DCUN1D4: variants seen among roughly 807,000 people sequenced by gnomAD.
The protein encoded by DCUN1D4 is defective in cullin neddylation 1 domain containing 4, also known as DCN1-like protein 4.
DCUN1D4 carries 22 observed loss-of-function variants against 47.9 expected under a neutral mutation model. The ratio of observed to expected loss-of-function variants is 0.46; its 90% CI spans 0.33 to 0.66. The LOEUF is 0.66. Ranked by LOEUF, DCUN1D4 falls within the 30% of genes least tolerant of loss-of-function variation. The pLI, the probability that DCUN1D4 is intolerant of heterozygous loss-of-function variation, is 0.02. For synonymous variants in DCUN1D4, 121 were observed against 112.2 expected, an observed-to-expected ratio of 1.08 and a Z score of -0.50; for missense variants, 301 against 340.8, an observed-to-expected ratio of 0.88 and a Z score of 0.92.
chr4:51,863,358 C>T, intron 1 of DCUN1D4, 79 bp from the exon 2 acceptor site: 1 of 1,185,176 alleles, frequency 8.4e-7, no homozygotes, highest in Non-Finnish European at 1.2e-6. Flanking sequence ...TATATCAAAA[C>T]ATTTGTTTAT....
At chr4:51,843,951 G>A (rs1305717815) in intron 1 of DCUN1D4, among the ~76,000 whole-genome samples, 2 of 150,734 alleles carry the variant, frequency 1.3e-5, no homozygotes, top group African/African-American at 4.9e-5. Context: ...GGAGTCCTGC[G>A]GGGCGGGAGG....
intron 3 of DCUN1D4, among the ~76,000 whole-genome samples, chr4:51,870,249 T>A (rs1224870007): frequency 6.6e-6 from 1 of 152,180 alleles, no homozygotes; most frequent in Non-Finnish European, 1.5e-5. Flanking sequence ...CTCATACAAG[T>A]TGTAAGTCGG....
intron 7 of DCUN1D4, among the ~76,000 whole-genome samples, chr4:51,894,824 T>C (rs1016996481): frequency 6.6e-6 from 1 of 152,206 alleles, no homozygotes; most frequent in African/African-American, 2.4e-5. Context: ...TATTCATATA[T>C]GTCTTAGGCC....
At chr4:51,838,680 G>C (rs899192334), upstream of DCUN1D4, among the ~76,000 whole-genome samples, 10 of 152,124 alleles carry the variant, frequency 6.6e-5, no homozygotes, top group African/African-American at 2.2e-4. Flanking sequence ...ACCATGCCCA[G>C]CCTGATTTCA....
At chr4:51,884,843 G>A (rs911956569) in intron 5 of DCUN1D4, 1 of 152,456 alleles carries the variant, frequency 6.6e-6, no homozygotes, top group Non-Finnish European at 1.5e-5. Flanking sequence ...TTAGCCAGGG[G>A]AGTTGGGGGA....
chr4:51,879,345 G>A (rs1373464103), intron 5 of DCUN1D4, among the ~76,000 whole-genome samples: 3 of 152,198 alleles, frequency 2.0e-5, no homozygotes, highest in African/African-American at 7.2e-5. Flanking sequence ...GGTGGCTCAC[G>A]TCTGAAATCC....
intron 8 of DCUN1D4, chr4:51,905,315 G>T: frequency 2.4e-6 from 1 of 424,118 alleles, no homozygotes; most frequent in Non-Finnish European, 4.9e-6. Context: ...TGCCCTTGAC[G>T]TCCAGGCCAG....
At chr4:51,894,369 G>A (rs1730906731) in intron 7 of DCUN1D4, among the ~76,000 whole-genome samples, 1 of 152,068 alleles carries the variant, frequency 6.6e-6, no homozygotes, top group Non-Finnish European at 1.5e-5. Flanking sequence ...AAGAACCTCT[G>A]CCTACCCTCC....
chr4:51,889,736 T>G (rs933051721), intron 6 of DCUN1D4, among the ~76,000 whole-genome samples: 65 of 151,988 alleles, frequency 4.3e-4, no homozygotes, highest in African/African-American at 1.5e-3. Flanking sequence ...TATACAAGAG[T>G]CAGAATTCCT....
rs376287555 is a variant in DCUN1D4 at position 51,875,682 on chromosome 4, T to C, written c.251+1297T>C. On this transcript the variant is annotated intron_variant, in intron 4 of 10. Transcript: ENST00000334635. ...TCCCAGCCCCAGACAACCACTAATC[T>C]ACTTTGTCTCGACAGATTTCCCTTT... 2.1e-4 allele frequency among the ~76,000 whole-genome samples: 32 copies of C among 152,306 alleles called. 1 individual carries two copies. Among genetic ancestry groups the C allele is most frequent in the Middle Eastern group, 3.4e-3 (1 of 294 alleles).
At chr4:51,882,885 G>A (rs1728897110) in intron 5 of DCUN1D4, among the ~76,000 whole-genome samples, 1 of 151,964 alleles carries the variant, frequency 6.6e-6, no homozygotes, top group Admixed American at 6.5e-5. Context: ...TTTCCCCCCC[G>A]GCTCTATGCA....
chr4:51,912,656 T>G (rs1338440602), intron 9 of DCUN1D4, among the ~76,000 whole-genome samples: 1 of 152,226 alleles, frequency 6.6e-6, no homozygotes, highest in Non-Finnish European at 1.5e-5. Flanking sequence ...CTAAGAGGAA[T>G]AGAAAAACGA....
intron 9 of DCUN1D4, among the ~76,000 whole-genome samples, chr4:51,912,988 G>T (rs759628740): frequency 2.0e-5 from 3 of 152,074 alleles, no homozygotes; most frequent in Non-Finnish European, 4.4e-5. Flanking sequence ...GATATTATCT[G>T]CATTTTATAT....
intron 3 of DCUN1D4, 68 bp downstream of exon 3, chr4:51,863,777 C>G (rs1725464139): frequency 6.8e-7 from 1 of 1,467,812 alleles, no homozygotes; most frequent in Non-Finnish European, 9.4e-7. Flanking sequence ...GAAATACTAG[C>G]TATGAATGCG....
intron 1 of DCUN1D4, among the ~76,000 whole-genome samples, chr4:51,855,593 T>G (rs558229712): frequency 6.6e-5 from 10 of 152,282 alleles, no homozygotes; most frequent in African/African-American, 1.9e-4. Context: ...TGCAAAGGCC[T>G]TGAGGTAGGA....
At chr4:51,857,392 C>G (rs1306680293) in intron 1 of DCUN1D4, among the ~76,000 whole-genome samples, 2 of 152,184 alleles carry the variant, frequency 1.3e-5, no homozygotes, top group African/African-American at 4.8e-5. Flanking sequence ...GATCACCCAT[C>G]ATCTTTGCTG....
intron 4 of DCUN1D4, chr4:51,875,198 T>C (rs921197134): frequency 2.0e-5 from 3 of 152,196 alleles, no homozygotes; most frequent in Non-Finnish European, 4.4e-5. Flanking sequence ...TGTCATTGTT[T>C]ATATCTCAAA....
chr4:51,845,782 G>C (rs957486344), intron 1 of DCUN1D4, among the ~76,000 whole-genome samples: 2 of 152,144 alleles, frequency 1.3e-5, no homozygotes, highest in African/African-American at 4.8e-5. Context: ...TTTTGGTGTG[G>C]TTACAAACAT....
intron 7 of DCUN1D4, among the ~76,000 whole-genome samples, chr4:51,898,882 T>G (rs551784105): frequency 2.6e-5 from 4 of 152,316 alleles, no homozygotes; most frequent in African/African-American, 7.2e-5. Flanking sequence ...TTGGGAAATT[T>G]GCAGGTGGTT....
Sources: allele counts gnomAD v4.1 joint callset (sites outside exome capture counted in the v4.1 genomes callset), GRCh38; gene constraint gnomAD v4.1.1; transcripts MANE v1.5; gene names NCBI Gene and HGNC (gene_info 2026-07-23, HGNC 2026-07-21).